The following LRP11 variants were observed in gnomAD, a reference collection of about 807,000 sequenced individuals.
The protein encoded by LRP11 is LDL receptor related protein 11.
In LRP11, 25 loss-of-function variants were observed where a neutral mutation model predicts 43.1. That is an observed-to-expected ratio of 0.58 (90% confidence interval 0.42 to 0.81). The LOEUF (loss-of-function observed/expected upper bound fraction) is 0.81, where lower values mean the gene tolerates loss of function less well. Among genes scored for constraint, LRP11 ranks in the 30% least tolerant of loss-of-function variants. The probability of loss-of-function intolerance (pLI) is 0.00; values close to 1 mark genes in which losing one functional copy is unlikely to be tolerated. For missense variants in LRP11, 623 were observed against 665.1 expected (o/e 0.94, Z 0.70); for synonymous variants, 316 against 299.4 (o/e 1.06, Z -0.57).
chr6:149,851,249 T>C (rs901938559), intron 2 of LRP11, among the ~76,000 whole-genome samples: 4 of 152,186 alleles, frequency 2.6e-5, no homozygotes, highest in African/African-American at 7.2e-5. Flanking sequence ...ACACAGTTCA[T>C]GTAACGAAGC....
At chr6:149,840,594 T>C (rs570109806) in intron 3 of LRP11, among the ~76,000 whole-genome samples, 44 of 152,280 alleles carry the variant, frequency 2.9e-4, no homozygotes, top group African/African-American at 1.1e-3. Flanking sequence ...TGCAGGCCCT[T>C]CCTCCCTCCC....
intron 1 of LRP11, among the ~76,000 whole-genome samples, chr6:149,853,945 T>C (rs1385323263): frequency 1.3e-5 from 2 of 152,194 alleles, no homozygotes; most frequent in South Asian, 4.1e-4. Flanking sequence ...ATATTAAGTT[T>C]GAAAAGTTAA....
intron 3 of LRP11, among the ~76,000 whole-genome samples, chr6:149,840,192 G>C (rs1776526143): frequency 6.6e-6 from 1 of 152,074 alleles, no homozygotes. Context: ...TTCATTGCAA[G>C]ACCAATACAT....
chr6:149,843,194 C>T (rs772455066), intron 2 of LRP11, 70 bp from the exon 3 acceptor site: 26 of 1,585,834 alleles, frequency 1.6e-5, no homozygotes, highest in East Asian at 6.7e-5. Flanking sequence ...CATCCTCAAC[C>T]GAAAGTCCAT....
At position 149,864,293 on chromosome 6, in the gene LRP11, C is replaced by T. The variant is rs1040893939; in HGVS notation, c.-273G>A. On this transcript the variant is annotated 5_prime_UTR_variant, in exon 1 of 7. Transcript: ENST00000239367. ...AGCGCCCTGCGCCTCTCCGCCCCGG[C>T]CTGCGGCGCGCTGGGTGGCGACGAG... 1 of 1,046,040 alleles carries T rather than the reference C, an allele frequency of 9.6e-7. No homozygotes were observed. Among genetic ancestry groups the T allele is most frequent in the African/African-American group, 1.7e-5 (1 of 58,804 alleles). 64.8% of individuals were successfully genotyped at this position (1,046,040 alleles called of 1,614,324 possible).
At chr6:149,853,394 C>T (rs746436025) in intron 1 of LRP11, among the ~76,000 whole-genome samples, 1 of 152,048 alleles carries the variant, frequency 6.6e-6, no homozygotes, top group Non-Finnish European at 1.5e-5. Flanking sequence ...AGGCAGCATA[C>T]GAGGTCCCAC....
chr6:149,843,064 G>C lies in LRP11; in HGVS notation c.832C>G (p.Leu278Val). ...TGCCCGGCAGTGTCCGTCACGGTCA[G>C]CTGGAAGGTGTAGGTTCCCTCCTGT... ...HLQEGTYTFQLTVTDTAGQRS... is the reference protein window; with the variant it reads ...HLQEGTYTFQVTVTDTAGQRS... Residue 278 changes from leucine to valine, a missense_variant, in exon 3 of 7, where the codon CTG (leucine) becomes GTG (valine). Coordinates refer to ENST00000239367, the MANE Select transcript of LRP11 (RefSeq NM_032832.6). The C allele has an allele frequency of 6.2e-7, 1 of 1,614,214 alleles. No individual in the cohort carries two copies. The highest frequency in any genetic ancestry group is 8.5e-7 in the Non-Finnish European group (1 of 1,180,038).
chr6:149,824,820 G>A (rs963550920), intron 6 of LRP11, among the ~76,000 whole-genome samples: 3 of 152,158 alleles, frequency 2.0e-5, no homozygotes, highest in East Asian at 1.9e-4. Context: ...AGATCGCGCC[G>A]CTGTACTCCA....
intron 5 of LRP11, among the ~76,000 whole-genome samples, chr6:149,833,628 CTTTG>C (rs1267233251): frequency 1.3e-5 from 2 of 152,086 alleles, no homozygotes; most frequent in Non-Finnish European, 2.9e-5. Flanking sequence ...TTTTAACTTT[CTTTG>C]TATTTTTCTA....
chr6:149,850,809 C>A (rs1233011616), intron 2 of LRP11, among the ~76,000 whole-genome samples: 1 of 152,210 alleles, frequency 6.6e-6, no homozygotes, highest in Non-Finnish European at 1.5e-5. Context: ...GATCCACTAA[C>A]CAACCCAGCA....
chr6:149,861,654 TAGAC>T (rs1333753215), intron 1 of LRP11, among the ~76,000 whole-genome samples: 1 of 152,120 alleles, frequency 6.6e-6, no homozygotes, highest in East Asian at 1.9e-4. Context: ...GCTGGGATCA[TAGAC>T]AGGCGCCACC....
At chr6:149,846,953 TA>T (rs747243974) in intron 2 of LRP11, among the ~76,000 whole-genome samples, 1 of 131,414 alleles carries the variant, frequency 7.6e-6, no homozygotes, top group African/African-American at 2.9e-5. Context: ...TAAAATAAAA[TA>T]ATAGAATAGA....
At chr6:149,838,313 G>A (rs1776499428) in intron 3 of LRP11, among the ~76,000 whole-genome samples, 1 of 151,986 alleles carries the variant, frequency 6.6e-6, no homozygotes, top group African/African-American at 2.4e-5. Context: ...AATCCTATTT[G>A]TTGATTATCA....
In LRP11 at chr6:149,864,317, A is replaced by G; in HGVS notation, c.-297T>C. ...GCCTGCGGCGCGCTGGGTGGCGACG[A>G]GTCGGCCTCGGCGTTGATCAGCACC... On this transcript the variant is annotated 5_prime_UTR_variant, in exon 1 of 7. Coordinates refer to ENST00000239367, the MANE Select transcript of LRP11 (RefSeq NM_032832.6). The G allele has an allele frequency of 9.7e-6, 10 of 1,026,876 alleles. No individual in the cohort carries two copies. Among genetic ancestry groups the G allele is most frequent in the Non-Finnish European group, 1.2e-5 (10 of 857,806 alleles). 63.6% of individuals were successfully genotyped at this position (1,026,876 alleles called of 1,614,324 possible).
chr6:149,825,059 C>T (rs1350703346), intron 6 of LRP11, among the ~76,000 whole-genome samples: 2 of 152,050 alleles, frequency 1.3e-5, no homozygotes, highest in African/African-American at 2.4e-5. Context: ...AAGGGGGTCA[C>T]CCAGGTACTT....
In LRP11 at chr6:149,863,936, A is replaced by G; in HGVS notation, c.85T>C (p.Cys29Arg). The change falls in exon 1 of 7, where the codon TGC becomes CGC. Residue 29 changes from cysteine to arginine, a missense_variant. Transcript: ENST00000239367. The stretch of plus-strand genomic sequence containing the variant: ...GCACGGCCGCTTGGCAGCCACAGGC[A>G]GAGCAGTAGCAGCCCGCGCAGCGCC... ...HGALRGLLLL[C>R]LWLPSGRAAL... 6.8e-7 allele frequency: 1 copy of G among 1,468,818 alleles called. No individual in the cohort carries two copies. The highest frequency in any genetic ancestry group is 9.0e-7 in the Non-Finnish European group (1 of 1,117,280). The allele number at this position is 1,468,818 out of a possible 1,614,324, so 91.0% of individuals were successfully genotyped here. A position where few individuals can be genotyped will look rare whatever the true frequency, so the allele number is the denominator to read the frequency against.
At chr6:149,838,965 G>C (rs1277743762) in intron 3 of LRP11, among the ~76,000 whole-genome samples, 2 of 152,016 alleles carry the variant, frequency 1.3e-5, no homozygotes, top group African/African-American at 4.8e-5. Flanking sequence ...GGAACATGGG[G>C]AAGTGGCAGA....
intron 2 of LRP11, among the ~76,000 whole-genome samples, chr6:149,848,433 C>T (rs4870055): frequency 0.49 from 74,176 of 152,012 alleles, 20,055 homozygotes; most frequent in East Asian, 0.84. Context: ...TGCATGCATA[C>T]GTTCACTGCA....
At chr6:149,843,325 A>C (rs1366743080) in intron 2 of LRP11, among the ~76,000 whole-genome samples, 1 of 152,210 alleles carries the variant, frequency 6.6e-6, no homozygotes, top group South Asian at 2.1e-4. Context: ...TTAGGTGGCC[A>C]AGGCCTTGAC....
Sources: allele counts gnomAD v4.1 joint callset (sites outside exome capture counted in the v4.1 genomes callset), GRCh38; gene constraint gnomAD v4.1.1; transcripts MANE v1.5; gene names NCBI Gene and HGNC (gene_info 2026-07-23, HGNC 2026-07-21).